KIF6: variants seen among roughly 807,000 people sequenced by gnomAD.
KIF6 encodes the protein kinesin family member 6, also known as kinesin-like protein KIF6.
Under a neutral mutation model 112.7 loss-of-function variants are expected in KIF6, and 106 were observed. That is an observed-to-expected ratio of 0.94 (90% CI 0.80 to 1.11). The LOEUF is 1.11. Among genes scored for constraint, KIF6 ranks in the 50% least tolerant of loss-of-function variants. KIF6 has a pLI of 0.00. For synonymous variants in KIF6, 339 were observed against 339.9 expected (o/e 1.00, Z 0.03); for missense variants, 929 against 964.0 (o/e 0.96, Z 0.48).
Position 39,433,600 on chromosome 6 carries a change from T to C in KIF6, c.1646-2439A>G, listed in dbSNP as rs909725695. 1.4e-4 allele frequency among the ~76,000 whole-genome samples: 22 copies of C among 152,238 alleles called. 2 individuals are homozygous for C. The highest frequency in any genetic ancestry group is 4.1e-4 in the South Asian group (2 of 4,830). Reference sequence around the variant, plus strand: ...AAAGTATTCTGGAGTTGGAGTTCTTTGATTGTGGTGACCACAGGTGAAGGC... The same window carrying C: ...AAAGTATTCTGGAGTTGGAGTTCTTCGATTGTGGTGACCACAGGTGAAGGC... On this transcript the variant is annotated intron_variant, in intron 13 of 22. Transcript: ENST00000287152.
At chr6:39,458,104 T>C (rs1773255790) in intron 13 of KIF6, among the ~76,000 whole-genome samples, 1 of 151,446 alleles carries the variant, frequency 6.6e-6, no homozygotes, top group Non-Finnish European at 1.5e-5. Context: ...TTGATGAACA[T>C]TGATGCAAAA....
chr6:39,390,777 G>A lies in KIF6; in HGVS notation c.1811-5105C>T, dbSNP rs571665363. 2.6e-3 allele frequency among the ~76,000 whole-genome samples: 389 copies of A among 152,324 alleles called. 1 individual carries two copies. Among genetic ancestry groups the A allele is most frequent in the African/African-American group, 9.0e-3 (376 of 41,576 alleles). Reference sequence around the variant, plus strand: ...CTGCCTGAGGGGCCTCTTTGAAATGGAAGGTCTAGTTAGAGGCTCCGAACT... The same window carrying A: ...CTGCCTGAGGGGCCTCTTTGAAATGAAAGGTCTAGTTAGAGGCTCCGAACT... On this transcript the variant is annotated intron_variant, in intron 15 of 22. Coordinates refer to ENST00000287152, the MANE Select transcript of KIF6 (RefSeq NM_145027.6).
intron 10 of KIF6, among the ~76,000 whole-genome samples, chr6:39,570,527 T>C (rs1780585488): frequency 6.6e-6 from 1 of 152,182 alleles, no homozygotes; most frequent in Non-Finnish European, 1.5e-5. Flanking sequence ...CGTAGGAAGA[T>C]TATGATCCTA....
chr6:39,541,420 C>T (rs555799606), intron 12 of KIF6, among the ~76,000 whole-genome samples: 3 of 152,200 alleles, frequency 2.0e-5, no homozygotes, highest in Non-Finnish European at 4.4e-5. Flanking sequence ...TGGCCGAACA[C>T]GCTGCTCCTC....
intron 13 of KIF6, among the ~76,000 whole-genome samples, chr6:39,484,934 C>T (rs1581955433): frequency 6.6e-6 from 1 of 152,192 alleles, no homozygotes; most frequent in South Asian, 2.1e-4. Flanking sequence ...CTTTCTCTGC[C>T]CTCTCCTCTG....
chr6:39,645,984 G>C (rs370318394), intron 3 of KIF6, among the ~76,000 whole-genome samples: 1 of 151,898 alleles, frequency 6.6e-6, no homozygotes, highest in East Asian at 1.9e-4. Context: ...GTGGGGGCAG[G>C]GGGGAGGGAT....
chr6:39,658,644 A>C (rs1785944532), intron 3 of KIF6, among the ~76,000 whole-genome samples: 3 of 152,186 alleles, frequency 2.0e-5, no homozygotes. Flanking sequence ...ATATAAGAAA[A>C]AAAGCTTACT....
intron 13 of KIF6, among the ~76,000 whole-genome samples, chr6:39,514,663 ATG>A (rs1776963879): frequency 6.6e-6 from 1 of 152,226 alleles, no homozygotes; most frequent in Non-Finnish European, 1.5e-5. Flanking sequence ...TAGAAGCTGT[ATG>A]TAACAGTCAT....
chr6:39,426,448 C>T (rs1453357267), intron 14 of KIF6, among the ~76,000 whole-genome samples: 10 of 152,166 alleles, frequency 6.6e-5, no homozygotes, highest in Non-Finnish European at 1.5e-4. Context: ...GAAGAAAAAC[C>T]TTTCTATTAA....
In KIF6 at chr6:39,683,735, C is replaced by T. The variant is rs549907423; in HGVS notation, c.251+30957G>A. ...TAGGCAAAGAAGACAGAAGAACAGCCGAGTGGGTAAGGGAATAGGATAGTG... is the reference window on the plus strand; with the variant it reads ...TAGGCAAAGAAGACAGAAGAACAGCTGAGTGGGTAAGGGAATAGGATAGTG... On this transcript the variant is annotated intron_variant, in intron 3 of 22. Transcript: ENST00000287152. 7.9e-4 allele frequency among the ~76,000 whole-genome samples: 120 copies of T among 152,166 alleles called. 1 individual carries two copies. The highest frequency in any genetic ancestry group is 2.7e-3 in the African/African-American group (113 of 41,520).
chr6:39,530,025 G>C (rs1432752058), intron 13 of KIF6, among the ~76,000 whole-genome samples: 1 of 152,158 alleles, frequency 6.6e-6, no homozygotes, highest in Non-Finnish European at 1.5e-5. Context: ...TAGAGCACTT[G>C]TTATTTCAGT....
intron 13 of KIF6, among the ~76,000 whole-genome samples, chr6:39,513,994 A>G (rs1562278251): frequency 6.7e-6 from 1 of 150,244 alleles, no homozygotes; most frequent in Non-Finnish European, 1.5e-5. Flanking sequence ...AAAGTGTTAT[A>G]GAGATGTATC....
intron 13 of KIF6, among the ~76,000 whole-genome samples, chr6:39,457,557 C>T (rs940242399): frequency 6.6e-6 from 1 of 151,390 alleles, no homozygotes; most frequent in African/African-American, 2.4e-5. Context: ...ACAAAAAACC[C>T]TTCAAAAAAT....
intron 13 of KIF6, among the ~76,000 whole-genome samples, chr6:39,518,380 A>G (rs1376400182): frequency 2.6e-5 from 4 of 152,202 alleles, no homozygotes; most frequent in African/African-American, 7.2e-5. Flanking sequence ...GTGTTATTAT[A>G]TCTGAGTTAA....
chr6:39,652,068 C>T (rs572860545), intron 3 of KIF6, among the ~76,000 whole-genome samples: 9 of 152,102 alleles, frequency 5.9e-5, no homozygotes, highest in Admixed American at 1.3e-4. Flanking sequence ...AAAAATCACA[C>T]GAGGAGTCTT....
intron 3 of KIF6, among the ~76,000 whole-genome samples, chr6:39,652,606 A>G (rs2150794343): frequency 6.6e-6 from 1 of 152,170 alleles, no homozygotes; most frequent in East Asian, 1.9e-4. Context: ...CCATTTATAT[A>G]TTCAAATTTT....
chr6:39,543,658 C>T (rs757238000), intron 12 of KIF6, among the ~76,000 whole-genome samples: 3 of 152,006 alleles, frequency 2.0e-5, no homozygotes, highest in Non-Finnish European at 2.9e-5. Context: ...AAGAACTGAC[C>T]GAAAGGATTT....
chr6:39,474,926 C>T (rs556874019), intron 13 of KIF6, among the ~76,000 whole-genome samples: 21 of 152,306 alleles, frequency 1.4e-4, no homozygotes, highest in East Asian at 9.6e-4. Context: ...GGATTTAGGA[C>T]GATTGCTATG....
intron 12 of KIF6, 26 bp from the exon 13 acceptor site, chr6:39,540,247 G>T (rs773563748): frequency 2.1e-5 from 30 of 1,400,910 alleles, no homozygotes; most frequent in Non-Finnish European, 3.0e-5. Context: ...AGGATTTAAT[G>T]CCTGATGCTA....
Sources: gnomAD v4.1 joint callset for allele counts (sites outside exome capture counted in the v4.1 genomes callset) on GRCh38, gnomAD v4.1.1 for gene constraint, MANE v1.5 for transcripts, NCBI Gene and HGNC (gene_info 2026-07-23, HGNC 2026-07-21) for gene names.